LEMD3: variants seen among roughly 807,000 people sequenced by gnomAD.
The protein encoded by LEMD3 is LEM domain containing 3, also known as inner nuclear membrane protein Man1.
A neutral mutation model predicts 95.2 loss-of-function variants in LEMD3; 33 were observed. That is an observed-to-expected ratio of 0.35 (90% CI 0.26 to 0.46). The LOEUF (loss-of-function observed/expected upper bound fraction) is 0.46, where lower values mean the gene tolerates loss of function less well. LEMD3 is among the 20% of genes least tolerant of loss of function. The probability of loss-of-function intolerance (pLI) is 1.00; values close to 1 mark genes in which losing one functional copy is unlikely to be tolerated. For synonymous variants in LEMD3, 525 were observed against 474.6 expected (o/e 1.11, Z -1.38); for missense variants, 1,210 against 1,192.8 (o/e 1.01, Z -0.21).
intron 9 of LEMD3, among the ~76,000 whole-genome samples, chr12:65,242,184 T>G (rs1870957150): frequency 6.6e-6 from 1 of 152,196 alleles, no homozygotes; most frequent in African/African-American, 2.4e-5. Flanking sequence ...CCTTGAAACT[T>G]TCTTCACTGG....
intron 1 of LEMD3, among the ~76,000 whole-genome samples, chr12:65,180,095 G>GC (rs1868854716): frequency 6.6e-6 from 1 of 151,728 alleles, no homozygotes; most frequent in Non-Finnish European, 1.5e-5. Context: ...CAGGCACATG[G>GC]CACCACGCCC....
Position 65,216,081 on chromosome 12 carries a change from TG to T in LEMD3, c.1627+39del, listed in dbSNP as rs569472064. 4.1e-4 allele frequency: 519 copies of T among 1,280,772 alleles called. 1 individual carries two copies. In the African/African-American group the frequency reaches 6.4e-3, roughly 16 times the overall value. The allele number at this position is 1,280,772 out of a possible 1,614,324, so 79.3% of individuals were successfully genotyped here. ...ACTTTTATAGTTGCTAAAAATGTTT[TG>T]AAAAATGTATGTAGCATGTTATTAG... On this transcript the variant is annotated intron_variant, in intron 3 of 12. Transcript: ENST00000308330.
intron 1 of LEMD3, among the ~76,000 whole-genome samples, chr12:65,193,396 G>GT (rs1869305830): frequency 6.6e-6 from 1 of 152,112 alleles, no homozygotes; most frequent in South Asian, 2.1e-4. Context: ...TGGGCTGTTT[G>GT]TATGTGCAGT....
intron 4 of LEMD3, among the ~76,000 whole-genome samples, chr12:65,221,490 G>A (rs529775183): frequency 1.4e-4 from 21 of 151,762 alleles, no homozygotes; most frequent in African/African-American, 3.4e-4. Context: ...CCTAAAGCAC[G>A]GATTACAAGC....
chr12:65,170,418 G>GGTA lies in LEMD3; in HGVS notation c.823_825dup (p.Val275dup). On this transcript the variant is annotated inframe_insertion, in exon 1 of 13. Transcript: ENST00000308330. The stretch of plus-strand genomic sequence containing the variant: ...ACGACGACGTGGCCTCCAGCAGACA[G>GGTA]GTATTAAAGGACGACTCCCTTTCCC... 1 of 1,614,050 alleles carries GGTA rather than the reference G, an allele frequency of 6.2e-7. No individual in the cohort carries two copies.
intron 1 of LEMD3, among the ~76,000 whole-genome samples, chr12:65,181,352 C>T (rs1000478547): frequency 2.6e-5 from 4 of 152,108 alleles, no homozygotes; most frequent in African/African-American, 7.2e-5. Flanking sequence ...TATTGAGCAC[C>T]TATACTATGT....
chr12:65,234,023 C>A (rs1406870210), intron 4 of LEMD3, among the ~76,000 whole-genome samples: 2 of 152,088 alleles, frequency 1.3e-5, no homozygotes, highest in African/African-American at 4.8e-5. Context: ...TAGTAATAAA[C>A]AATAGTAATA....
At chr12:65,180,005 T>C (rs915403116) in intron 1 of LEMD3, among the ~76,000 whole-genome samples, 1 of 152,108 alleles carries the variant, frequency 6.6e-6, no homozygotes, top group African/African-American at 2.4e-5. Context: ...AGTGCAGTGG[T>C]GCAATATCGG....
chr12:65,236,277 C>T (rs1396103643), intron 4 of LEMD3, among the ~76,000 whole-genome samples: 1 of 152,180 alleles, frequency 6.6e-6, no homozygotes, highest in South Asian at 2.1e-4. Context: ...CACAGTGGCT[C>T]ATGCCTGTAA....
In LEMD3 at chr12:65,211,018, G is replaced by A. The variant is rs1475190014; in HGVS notation, c.1560+55G>A. 6 of 1,261,074 alleles carry A rather than the reference G, an allele frequency of 4.8e-6. No homozygotes were observed. In the East Asian group the frequency reaches 1.2e-4, roughly 24 times the overall value. The allele number at this position is 1,261,074 out of a possible 1,614,324, so 78.1% of individuals were successfully genotyped here. ...TTGTGTCATGTTTTATATGATAAAA[G>A]CATGAGAATGACTATCAACTAAAAA... On this transcript the variant is annotated intron_variant, in intron 2 of 12. Transcript: ENST00000308330.
chr12:65,232,084 A>G (rs1003400588), intron 4 of LEMD3, among the ~76,000 whole-genome samples: 35 of 152,186 alleles, frequency 2.3e-4, no homozygotes, highest in Admixed American at 2.1e-3. Context: ...TTCAAAGAGC[A>G]TGAACTTTTA....
intron 4 of LEMD3, among the ~76,000 whole-genome samples, chr12:65,238,265 A>G (rs541022634): frequency 1.3e-5 from 2 of 152,316 alleles, no homozygotes; most frequent in African/African-American, 4.8e-5. Flanking sequence ...AGAGAGACTC[A>G]GTTCCCAAAT....
At chr12:65,241,236 T>A in intron 9 of LEMD3, 149 bp downstream of exon 9, 1 of 672,822 alleles carries the variant, frequency 1.5e-6, no homozygotes, top group Non-Finnish European at 2.6e-6. Flanking sequence ...TAGCTTCTTA[T>A]GTATCCTTCC....
At chr12:65,182,475 T>A (rs1868937061) in intron 1 of LEMD3, among the ~76,000 whole-genome samples, 2 of 152,188 alleles carry the variant, frequency 1.3e-5, no homozygotes, top group South Asian at 4.1e-4. Context: ...GTCAGTAATG[T>A]TAATAAGTAA....
chr12:65,233,420 A>G (rs559736617), intron 4 of LEMD3, among the ~76,000 whole-genome samples: 4 of 152,330 alleles, frequency 2.6e-5, no homozygotes, highest in Admixed American at 2.6e-4. Context: ...TGGAGCCAGC[A>G]TCTGGTTCTG....
At chr12:65,183,513 A>G (rs1868967750) in intron 1 of LEMD3, among the ~76,000 whole-genome samples, 1 of 152,160 alleles carries the variant, frequency 6.6e-6, no homozygotes, top group Admixed American at 6.5e-5. Context: ...ATATTTTCAG[A>G]AGATCTTTGT....
chr12:65,187,021 CAG>C (rs1280782720), intron 1 of LEMD3, among the ~76,000 whole-genome samples: 1 of 152,038 alleles, frequency 6.6e-6, no homozygotes, highest in East Asian at 1.9e-4. Flanking sequence ...CAATTTATTA[CAG>C]GGTTGTTGCC....
intron 1 of LEMD3, among the ~76,000 whole-genome samples, chr12:65,187,503 T>C (rs1251563037): frequency 6.6e-6 from 1 of 152,082 alleles, no homozygotes; most frequent in Non-Finnish European, 1.5e-5. Flanking sequence ...TGACTCCCAC[T>C]ATGGGATCTT....
At chr12:65,208,959 T>G (rs1869846442) in intron 1 of LEMD3, among the ~76,000 whole-genome samples, 1 of 152,160 alleles carries the variant, frequency 6.6e-6, no homozygotes, top group African/African-American at 2.4e-5. Flanking sequence ...CAGCTTTCTC[T>G]GTTACCCTAT....
Sources: allele counts gnomAD v4.1 joint callset (sites outside exome capture counted in the v4.1 genomes callset), GRCh38; gene constraint gnomAD v4.1.1; transcripts MANE v1.5; gene names NCBI Gene and HGNC (gene_info 2026-07-23, HGNC 2026-07-21).